The following NCAPG2 variants were observed in gnomAD, a reference collection of about 807,000 sequenced individuals.
The protein encoded by NCAPG2 is non-SMC condensin II complex subunit G2, also known as condensin-2 complex subunit G2.
NCAPG2 carries 53 observed loss-of-function variants against 141.1 expected under a neutral mutation model. The observed-to-expected ratio is 0.38, with a 90% CI of 0.30 to 0.47. The LOEUF (loss-of-function observed/expected upper bound fraction) is 0.47, where lower values mean the gene tolerates loss of function less well. Ranked by LOEUF, NCAPG2 falls within the 20% of genes least tolerant of loss-of-function variation. The pLI is 0.99. For missense variants in NCAPG2, 1,087 were observed against 1,389.0 expected (o/e 0.78, Z 3.46); for synonymous variants, 499 against 490.7 (o/e 1.02, Z -0.22).
At chr7:158,676,768 T>G (rs937503798) in intron 11 of NCAPG2, among the ~76,000 whole-genome samples, 1 of 152,174 alleles carries the variant, frequency 6.6e-6, no homozygotes, top group Admixed American at 6.5e-5. Flanking sequence ...CTTACTACTT[T>G]AATTAGAAAA....
intron 9 of NCAPG2, among the ~76,000 whole-genome samples, chr7:158,681,568 T>C (rs1834457109): frequency 6.6e-6 from 1 of 152,230 alleles, no homozygotes; most frequent in African/African-American, 2.4e-5. Flanking sequence ...TGAGCTTGTA[T>C]CAACTTAACC....
At chr7:158,687,937 C>T (rs1353347870) in intron 6 of NCAPG2, among the ~76,000 whole-genome samples, 2 of 152,100 alleles carry the variant, frequency 1.3e-5, no homozygotes, top group Admixed American at 6.5e-5. Context: ...GTCTTCAAGT[C>T]ATAAATACAT....
intron 16 of NCAPG2, among the ~76,000 whole-genome samples, chr7:158,658,680 C>A (rs1832216131): frequency 6.6e-6 from 1 of 152,286 alleles, no homozygotes; most frequent in Admixed American, 6.5e-5. Flanking sequence ...CCAATCTAGA[C>A]CCTGGGAATA....
At chr7:158,679,319 C>A (rs1353348216) in intron 11 of NCAPG2, among the ~76,000 whole-genome samples, 1 of 152,204 alleles carries the variant, frequency 6.6e-6, no homozygotes, top group Non-Finnish European at 1.5e-5. Flanking sequence ...AGATAGTATG[C>A]ACTGCTTAAG....
At chr7:158,684,389 G>A (rs1834628908) in intron 8 of NCAPG2, among the ~76,000 whole-genome samples, 1 of 152,190 alleles carries the variant, frequency 6.6e-6, no homozygotes, top group Non-Finnish European at 1.5e-5. Flanking sequence ...CGATTTTAAT[G>A]GTATAACAAG....
At chr7:158,671,456 T>C (rs1833677059) in intron 13 of NCAPG2, 58 bp downstream of exon 13, 2 of 1,590,874 alleles carry the variant, frequency 1.3e-6, no homozygotes, top group Admixed American at 1.7e-5. Context: ...TTTCTTTCTG[T>C]TTGATGAACA....
Position 158,668,553 on chromosome 7 carries a change from G to A in NCAPG2, c.1479+2961C>T, listed in dbSNP as rs955504078. The A allele has an allele frequency of 3.6e-6, 2 of 555,542 alleles. 1 individual carries two copies. 34.4% of individuals were successfully genotyped at this position (555,542 alleles called of 1,614,324 possible). A position where few individuals can be genotyped will look rare whatever the true frequency, so the allele number is the denominator to read the frequency against. ...TTATTTCAAAATAGTCCGGCAGTGT[G>A]GCCTGGATACAGTTTAGATAAAACA... On this transcript the variant is annotated intron_variant, in intron 13 of 27. Transcript: ENST00000356309.
intron 16 of NCAPG2, among the ~76,000 whole-genome samples, chr7:158,661,744 A>G (rs1832524826): frequency 6.6e-6 from 1 of 152,226 alleles, no homozygotes; most frequent in African/African-American, 2.4e-5. Context: ...TAAAAAAGAA[A>G]TCACACACAC....
rs957310792 is a variant in NCAPG2 at position 158,665,152 on chromosome 7, A to G, written c.1480-402T>C. ...ACAACGTTTTTGACGTGGACACTCC[A>G]TCTCCTATCTAAGAGGCTGGGGCAT... On this transcript the variant is annotated intron_variant, in intron 13 of 27. Coordinates refer to ENST00000356309, the MANE Select transcript of NCAPG2 (RefSeq NM_017760.7). 6.1e-5 allele frequency: 11 copies of G among 179,596 alleles called. No individual in the cohort carries two copies. In the East Asian group the frequency reaches 1.6e-3, roughly 26 times the overall value. The allele number at this position is 179,596 out of a possible 1,614,324, so 11.1% of individuals were successfully genotyped here. A position where few individuals can be genotyped will look rare whatever the true frequency, so the allele number is the denominator to read the frequency against.
In NCAPG2 at chr7:158,655,145, A is replaced by C; in HGVS notation, c.2619T>G (p.His873Gln). Reference sequence around the variant, plus strand: ...GGATAATTTGCTGATAAATGACCCTATGAAGCTTCAGGTAGTCTTCTTCTT... The same window carrying C: ...GGATAATTTGCTGATAAATGACCCTCTGAAGCTTCAGGTAGTCTTCTTCTT... Reference protein sequence around the residue: ...QDQEEDYLKLHRVIYQQIIQT... With the variant: ...QDQEEDYLKLQRVIYQQIIQT... Residue 873 changes from histidine to glutamine, a missense_variant, in exon 21 of 28, where the codon CAT becomes CAG. His to Gln is a conservative substitution (Grantham distance 24, BLOSUM62 0). Coordinates refer to ENST00000356309, the MANE Select transcript of NCAPG2 (RefSeq NM_017760.7). 6.2e-7 allele frequency: 1 copy of C among 1,613,562 alleles called. No homozygotes were observed. Among genetic ancestry groups the C allele is most frequent in the Middle Eastern group, 1.7e-4 (1 of 6,052 alleles).
chr7:158,656,626 A>G lies in NCAPG2; in HGVS notation c.2140T>C (p.Cys714Arg). The change falls in exon 18 of 28, where the codon TGC (cysteine) becomes CGC (arginine). Residue 714 changes from cysteine (C) to arginine (R), a missense_variant. By Grantham distance (180) the Cys-to-Arg change is radical. Coordinates refer to ENST00000356309, the MANE Select transcript of NCAPG2 (RefSeq NM_017760.7). ...KSYCTLLDCL[C>R]SWGQVGHILE... ...ATGTGCCCCACCTGCCCCCAGGAGC[A>G]GAGGCAATCCAACAAAGTGCAGTAG... The G allele has an allele frequency of 6.2e-7, 1 of 1,614,164 alleles. No individual in the cohort carries two copies. The highest frequency in any genetic ancestry group is 8.5e-7 in the Non-Finnish European group (1 of 1,180,040).
intron 24 of NCAPG2, among the ~76,000 whole-genome samples, chr7:158,648,478 C>T (rs1370115807): frequency 6.9e-6 from 1 of 145,718 alleles, no homozygotes; most frequent in African/African-American, 2.5e-5. Flanking sequence ...TCAATAAATT[C>T]ATTAAAGTCA....
At chr7:158,680,134 C>A (rs376402922) in intron 10 of NCAPG2, 49 bp from the exon 11 acceptor site, 3 of 1,582,888 alleles carry the variant, frequency 1.9e-6, no homozygotes, top group Non-Finnish European at 2.6e-6. Context: ...AGTTAACATA[C>A]GAAGGCTTAA....
At chr7:158,693,669 A>G (rs4909263) in intron 2 of NCAPG2, among the ~76,000 whole-genome samples, 172 bp from the exon 3 acceptor site, 134,666 of 152,282 alleles carry the variant, frequency 0.88, 59,613 homozygotes, top group Admixed American at 0.93. Context: ...TTCTCCACCT[A>G]TTCTTTCCTA....
At position 158,658,411 on chromosome 7, in the gene NCAPG2, A is replaced by T; in HGVS notation, c.1990-3T>A. The T allele has an allele frequency of 6.2e-7, 1 of 1,603,816 alleles. No homozygotes were observed. Among genetic ancestry groups the T allele is most frequent in the Non-Finnish European group, 8.5e-7 (1 of 1,174,616 alleles). On this transcript the variant is annotated splice_region_variant and splice_polypyrimidine_tract_variant and intron_variant, in intron 16 of 27. Coordinates refer to ENST00000356309, the MANE Select transcript of NCAPG2 (RefSeq NM_017760.7). ...AAAGGGATCTTGCAGCGATCATCCTAAAAGCGAAAAAAGAAAAACAAAACA... is the reference window on the plus strand; with the variant it reads ...AAAGGGATCTTGCAGCGATCATCCTTAAAGCGAAAAAAGAAAAACAAAACA...
intron 11 of NCAPG2, among the ~76,000 whole-genome samples, chr7:158,678,960 A>G (rs1261496226): frequency 6.6e-6 from 1 of 152,142 alleles, no homozygotes; most frequent in Non-Finnish European, 1.5e-5. Flanking sequence ...AAGCCTCCCA[A>G]GTAGCTGGGA....
intron 17 of NCAPG2, among the ~76,000 whole-genome samples, chr7:158,657,890 A>G (rs1249917657): frequency 2.0e-5 from 3 of 151,850 alleles, no homozygotes; most frequent in Non-Finnish European, 4.4e-5. Flanking sequence ...TGCTGTGTCC[A>G]CTCAGAGTTA....
intron 8 of NCAPG2, among the ~76,000 whole-genome samples, chr7:158,684,088 GTC>G (rs554579724): frequency 1.6e-3 from 243 of 152,330 alleles, no homozygotes; most frequent in African/African-American, 5.4e-3. Flanking sequence ...ACAAACCAGA[GTC>G]TGCAGATGCT....
At chr7:158,687,710 C>A (rs1011098841) in intron 6 of NCAPG2, among the ~76,000 whole-genome samples, 3 of 152,172 alleles carry the variant, frequency 2.0e-5, no homozygotes, top group Non-Finnish European at 4.4e-5. Flanking sequence ...ATGGAGACCA[C>A]AGACAGTAAC....
Sources: gnomAD v4.1 joint callset for allele counts (sites outside exome capture counted in the v4.1 genomes callset) on GRCh38, gnomAD v4.1.1 for gene constraint, MANE v1.5 for transcripts, NCBI Gene and HGNC (gene_info 2026-07-23, HGNC 2026-07-21) for gene names.